The following ZNF385D variants were observed in gnomAD, a reference collection of about 807,000 sequenced individuals.
ZNF385D encodes zinc finger protein 385D, also known as zinc finger protein 659.
In ZNF385D, 15 loss-of-function variants were observed where a neutral mutation model predicts 35.8. That is an observed-to-expected ratio of 0.42 (90% confidence interval 0.28 to 0.64). ZNF385D has a LOEUF of 0.64. Among genes scored for constraint, ZNF385D ranks in the 30% least tolerant of loss-of-function variants. The pLI, the probability that ZNF385D is intolerant of heterozygous loss-of-function variation, is 0.23. For missense variants in ZNF385D, 474 were observed against 494.6 expected, an observed-to-expected ratio of 0.96 and a Z score of 0.39; for synonymous variants, 212 against 186.8, an observed-to-expected ratio of 1.13 and a Z score of -1.10.
chr3:22,023,953 T>C (rs1331781390), intron 3 of ZNF385D, among the ~76,000 whole-genome samples: 4 of 152,048 alleles, frequency 2.6e-5, no homozygotes, highest in African/African-American at 7.2e-5. Context: ...GTCAACTTGA[T>C]TGGATTGAAG....
intron 1 of ZNF385D, among the ~76,000 whole-genome samples, chr3:21,706,855 A>C (rs7639204): frequency 6.9e-6 from 1 of 144,124 alleles, no homozygotes; most frequent in Non-Finnish European, 1.5e-5. Context: ...TAGATAGATA[A>C]ATAGATTAGA....
At chr3:21,820,079 G>A (rs1433085764) in intron 3 of ZNF385D, among the ~76,000 whole-genome samples, 2 of 151,198 alleles carry the variant, frequency 1.3e-5, no homozygotes, top group African/African-American at 4.8e-5. Context: ...ATAAAATATT[G>A]AATATATTTT....
intron 3 of ZNF385D, among the ~76,000 whole-genome samples, chr3:22,149,074 C>T (rs187585493): frequency 3.3e-5 from 5 of 152,208 alleles, no homozygotes; most frequent in East Asian, 1.9e-4. Flanking sequence ...GACCAGCAGC[C>T]GCAGCATCAA....
At chr3:21,482,330 C>A (rs1323504394) in intron 4 of ZNF385D, among the ~76,000 whole-genome samples, 1 of 152,136 alleles carries the variant, frequency 6.6e-6, no homozygotes, top group East Asian at 1.9e-4. Flanking sequence ...GAACACTGGC[C>A]ATGACCACTC....
intron 2 of ZNF385D, among the ~76,000 whole-genome samples, chr3:22,214,991 C>G (rs1486470038): frequency 1.3e-5 from 2 of 151,922 alleles, no homozygotes; most frequent in African/African-American, 4.8e-5. Context: ...CATCACGGAA[C>G]CTGCCGACAT....
At chr3:21,979,678 A>G (rs903201071) in intron 3 of ZNF385D, 13 of 152,222 alleles carry the variant, frequency 8.5e-5, no homozygotes, top group African/African-American at 3.1e-4. Flanking sequence ...CAGATATTGT[A>G]TCTCAGCAGA....
At chr3:21,903,528 G>T (rs1699521889) in intron 3 of ZNF385D, among the ~76,000 whole-genome samples, 1 of 152,110 alleles carries the variant, frequency 6.6e-6, no homozygotes, top group Non-Finnish European at 1.5e-5. Context: ...AATCAAAATT[G>T]ATGGCTGCTA....
chr3:21,468,271 G>C (rs562578134), intron 4 of ZNF385D, among the ~76,000 whole-genome samples: 183 of 151,062 alleles, frequency 1.2e-3, no homozygotes, highest in African/African-American at 3.9e-3. Flanking sequence ...CTGTGGTGGC[G>C]GGCACCTGTA....
chr3:22,130,359 A>T (rs1318599954), intron 3 of ZNF385D, among the ~76,000 whole-genome samples: 1 of 152,178 alleles, frequency 6.6e-6, no homozygotes, highest in Non-Finnish European at 1.5e-5. Context: ...GCACAGCACC[A>T]GACCTTCCCC....
intron 2 of ZNF385D, among the ~76,000 whole-genome samples, chr3:21,583,821 C>T (rs2063733872): frequency 6.6e-6 from 1 of 150,690 alleles, no homozygotes; most frequent in East Asian, 1.9e-4. Context: ...TATGTTTCCA[C>T]TTTTATGTTT....
chr3:22,286,947 T>A (rs892286367), intron 2 of ZNF385D, among the ~76,000 whole-genome samples: 5 of 152,082 alleles, frequency 3.3e-5, no homozygotes, highest in African/African-American at 4.8e-5. Context: ...TCTGTGAGGA[T>A]AATCTAACCA....
At chr3:21,964,918 G>T (rs1214865850) in intron 3 of ZNF385D, among the ~76,000 whole-genome samples, 1 of 152,246 alleles carries the variant, frequency 6.6e-6, no homozygotes, top group Non-Finnish European at 1.5e-5. Flanking sequence ...AGAAGCTACT[G>T]AACATAGGAA....
At chr3:21,862,945 T>G (rs541979977) in intron 3 of ZNF385D, among the ~76,000 whole-genome samples, 1 of 152,282 alleles carries the variant, frequency 6.6e-6, no homozygotes, top group South Asian at 2.1e-4. Context: ...CCCACTCCAC[T>G]TGATTTAGTC....
chr3:21,994,631 A>G (rs1226255500), intron 3 of ZNF385D, among the ~76,000 whole-genome samples: 1 of 152,132 alleles, frequency 6.6e-6, no homozygotes, highest in East Asian at 1.9e-4. Context: ...ATGTCCTTAC[A>G]TTGATATCTG....
At chr3:21,953,062 G>C (rs528081297) in intron 3 of ZNF385D, among the ~76,000 whole-genome samples, 2 of 151,838 alleles carry the variant, frequency 1.3e-5, no homozygotes, top group East Asian at 3.9e-4. Flanking sequence ...TATGTGCTTC[G>C]TTGGGTTACA....
intron 2 of ZNF385D, among the ~76,000 whole-genome samples, chr3:21,662,404 T>A (rs921457422): frequency 1.6e-4 from 24 of 152,236 alleles, no homozygotes; most frequent in African/African-American, 5.8e-4. Flanking sequence ...GAAACAAAAT[T>A]AGAGTGGATT....
intron 3 of ZNF385D, among the ~76,000 whole-genome samples, chr3:21,829,158 A>T (rs1694834788): frequency 6.6e-6 from 1 of 152,208 alleles, no homozygotes; most frequent in African/African-American, 2.4e-5. Context: ...TACCTTTTCC[A>T]GGGATGACAA....
rs141940619 is a variant in ZNF385D at position 21,947,731 on chromosome 3, TTCTATCA to T, written c.325+221079_325+221085del. 1.1e-4 allele frequency among the ~76,000 whole-genome samples: 16 copies of T among 152,320 alleles called. No individual in the cohort carries two copies. In the East Asian group the frequency reaches 2.5e-3, roughly 24 times the overall value. On this transcript the variant is annotated intron_variant, in intron 3 of 5. Transcript: ENST00000494108. ...ATATGTATTAATCCATCTATCTTTT[TTCTATCA>T]TCTGTATTTTTGTTGATACACCAAA...
chr3:21,437,254 T>C (rs746715255), intron 4 of ZNF385D, 51 bp from the exon 5 acceptor site: 29 of 1,512,928 alleles, frequency 1.9e-5, no homozygotes, highest in Non-Finnish European at 2.5e-5. Flanking sequence ...GGTATTATCT[T>C]TCCCTATTCA....
Sources: allele counts gnomAD v4.1 joint callset (sites outside exome capture counted in the v4.1 genomes callset), GRCh38; gene constraint gnomAD v4.1.1; transcripts MANE v1.5; gene names NCBI Gene and HGNC (gene_info 2026-07-23, HGNC 2026-07-21).